LAMA3: variants seen among roughly 807,000 people sequenced by gnomAD.
The protein encoded by LAMA3 is laminin subunit alpha-3.
LAMA3 carries 281 observed loss-of-function variants against 402.0 expected under a neutral mutation model. That is an observed-to-expected ratio of 0.70 (90% CI 0.63 to 0.77). The LOEUF (loss-of-function observed/expected upper bound fraction) is 0.77. Among genes scored for constraint, LAMA3 ranks in the 30% least tolerant of loss-of-function variants. The pLI is 0.00. For synonymous variants in LAMA3, 1,431 were observed against 1,558.4 expected (o/e 0.92, Z 1.93); for missense variants, 3,840 against 4,215.5 (o/e 0.91, Z 2.47).
chr18:23,933,994 G>A, intron 67 of LAMA3, 59 bp downstream of exon 67: 1 of 1,553,790 alleles, frequency 6.4e-7, no homozygotes, highest in Non-Finnish European at 8.9e-7. Context: ...CCCTGAGCCT[G>A]CCTTGTGGGA....
In LAMA3 at chr18:23,914,539, A is replaced by G; in HGVS notation, c.7459A>G (p.Met2487Val). 1 of 1,614,186 alleles carries G rather than the reference A, an allele frequency of 6.2e-7. No individual in the cohort carries two copies. The highest frequency in any genetic ancestry group is 8.5e-7 in the Non-Finnish European group (1 of 1,180,022). Residue 2487 changes from methionine to valine, a missense_variant, in exon 57 of 75, where the codon ATG (methionine) becomes GTG (valine). Transcript: ENST00000313654. ...CAAGAGTGAGACTAAGGAGGCAGTTATGGATCGGGTGAAATTTCAGAGGTA... is the reference window on the plus strand; with the variant it reads ...CAAGAGTGAGACTAAGGAGGCAGTTGTGGATCGGGTGAAATTTCAGAGGTA... ...LTKSETKEAV[M>V]DRVKFQRIYQ...
In LAMA3 at chr18:23,867,832, A is replaced by T; in HGVS notation, c.4684-2A>T. The T allele has an allele frequency of 6.2e-7, 1 of 1,613,194 alleles. No individual in the cohort carries two copies. The highest frequency in any genetic ancestry group is 8.5e-7 in the Non-Finnish European group (1 of 1,179,180). ...AACACATTCATGGTTTTCTTTAAACAGGGTCAGCACATGTCCATCATCTAT... is the reference window on the plus strand; with the variant it reads ...AACACATTCATGGTTTTCTTTAAACTGGGTCAGCACATGTCCATCATCTAT... On this transcript the variant is annotated splice_acceptor_variant, in intron 36 of 74. Coordinates refer to ENST00000313654, the MANE Select transcript of LAMA3 (RefSeq NM_198129.4). LOFTEE classifies it high-confidence loss of function.
intron 2 of LAMA3, among the ~76,000 whole-genome samples, chr18:23,735,617 C>A (rs2061461456): frequency 6.6e-6 from 1 of 152,132 alleles, no homozygotes; most frequent in Admixed American, 6.5e-5. Flanking sequence ...GGGCTGAGCA[C>A]CTACTGTGTG....
chr18:23,882,269 G>A lies in LAMA3; in HGVS notation c.5222+224G>A, dbSNP rs549968285. ...AATTGTACAGTTTACATGATGAATT[G>A]CATGATATGTAAATTATATCTCAAT... On this transcript the variant is annotated intron_variant, in intron 40 of 74. Transcript: ENST00000313654. Among the ~76,000 whole-genome samples the A allele has an allele frequency of 1.3e-3, 199 of 152,298 alleles. 3 individuals are homozygous for A. In the South Asian group the frequency reaches 0.016, roughly 12 times the overall value.
At chr18:23,909,573 T>C (rs571917103) in intron 55 of LAMA3, among the ~76,000 whole-genome samples, 64 of 152,198 alleles carry the variant, frequency 4.2e-4, no homozygotes, top group Non-Finnish European at 7.3e-4. Context: ...CAGGCCCCAG[T>C]TTGTAAACTG....
At chr18:23,748,994 T>C (rs568146840) in intron 3 of LAMA3, among the ~76,000 whole-genome samples, 3 of 152,362 alleles carry the variant, frequency 2.0e-5, no homozygotes, top group East Asian at 3.9e-4. Flanking sequence ...TTCCCCTTTA[T>C]GCAGAATTAG....
At chr18:23,776,533 A>G (rs942349347) in intron 10 of LAMA3, among the ~76,000 whole-genome samples, 12 of 152,210 alleles carry the variant, frequency 7.9e-5, no homozygotes, top group African/African-American at 2.9e-4. Flanking sequence ...CTTTGGGGTT[A>G]GGACAAAGAA....
At chr18:23,858,017 C>T (rs367800941) in intron 33 of LAMA3, 29 bp downstream of exon 33, 12 of 1,613,874 alleles carry the variant, frequency 7.4e-6, no homozygotes, top group African/African-American at 1.3e-5. Context: ...TGCCAGACAA[C>T]AGCTGCCGGT....
intron 12 of LAMA3, among the ~76,000 whole-genome samples, chr18:23,791,078 C>T (rs1203101878): frequency 6.6e-6 from 1 of 151,930 alleles, no homozygotes; most frequent in Non-Finnish European, 1.5e-5. Context: ...TTAGTAGAGA[C>T]GGGGTTTCAC....
At chr18:23,858,605 G>C in intron 33 of LAMA3, 84 bp from the exon 34 acceptor site, 1 of 1,198,274 alleles carries the variant, frequency 8.3e-7, no homozygotes, top group African/African-American at 1.5e-5. Flanking sequence ...ATCTTGTGTT[G>C]GTATTTAATT....
chr18:23,931,228 G>C (rs745678142), intron 65 of LAMA3, 27 bp downstream of exon 65: 1 of 1,603,264 alleles, frequency 6.2e-7, no homozygotes, highest in Non-Finnish European at 8.5e-7. Flanking sequence ...TTCTGTCAGA[G>C]CTGTGAGTGA....
intron 19 of LAMA3, 71 bp from the exon 20 acceptor site, chr18:23,822,179 TAA>T: frequency 9.1e-6 from 14 of 1,541,848 alleles, no homozygotes; most frequent in Non-Finnish European, 1.3e-5. Context: ...TTGAATAGAA[TAA>T]AGTCACTGTT....
intron 12 of LAMA3, among the ~76,000 whole-genome samples, chr18:23,797,492 C>T (rs939963270): frequency 6.6e-6 from 1 of 152,232 alleles, no homozygotes; most frequent in Admixed American, 6.5e-5. Context: ...GTTTGGTGCA[C>T]CACCTGAGGT....
chr18:23,750,625 T>TA (rs2061732886), intron 4 of LAMA3, among the ~76,000 whole-genome samples: 1 of 151,996 alleles, frequency 6.6e-6, no homozygotes, highest in Non-Finnish European at 1.5e-5. Context: ...TTCATAGTGT[T>TA]ACAGTCCCAC....
chr18:23,921,359 G>T, intron 61 of LAMA3, 93 bp from the exon 62 acceptor site: 1 of 1,360,262 alleles, frequency 7.4e-7, no homozygotes. Context: ...TGAATCTGGG[G>T]GAAGATAAAT....
chr18:23,697,558 A>C (rs1026818055), intron 1 of LAMA3, among the ~76,000 whole-genome samples: 22 of 152,142 alleles, frequency 1.4e-4, no homozygotes, highest in African/African-American at 4.3e-4. Flanking sequence ...CCAAAAATCC[A>C]AAATCCCAAA....
At chr18:23,936,310 A>T (rs1343800799) in intron 67 of LAMA3, among the ~76,000 whole-genome samples, 1 of 151,804 alleles carries the variant, frequency 6.6e-6, no homozygotes, top group Non-Finnish European at 1.5e-5. Flanking sequence ...ACATATGTAT[A>T]CATGTGTCAT....
chr18:23,817,236 A>T lies in LAMA3; in HGVS notation c.2147+749A>T, dbSNP rs569233949. Among the ~76,000 whole-genome samples the T allele has an allele frequency of 2.6e-5, 4 of 152,292 alleles. No homozygotes were observed. In the East Asian group the frequency reaches 7.7e-4, roughly 29 times the overall value. On this transcript the variant is annotated intron_variant, in intron 18 of 74. Transcript: ENST00000313654. ...GTATTGTTCCATCTCTTAAGCCATT[A>T]TATTTTACCATTTATAAACGTTTTG...
At position 23,709,413 on chromosome 18, in the gene LAMA3, A is replaced by C. The variant is rs572548464; in HGVS notation, c.295-4507A>C. On this transcript the variant is annotated intron_variant, in intron 1 of 74. Transcript: ENST00000313654. ...ATGTAAATAATTTTATCTTTAAATA[A>C]ATAATAACAGTTTTATTTCGTTTAT... 2.3e-4 allele frequency among the ~76,000 whole-genome samples: 32 copies of C among 138,358 alleles called. No individual in the cohort carries two copies. In the South Asian group the frequency reaches 7.2e-3, roughly 31 times the overall value. 90.8% of individuals were successfully genotyped at this position (138,358 alleles called of 152,430 possible).
Sources: allele counts gnomAD v4.1 joint callset (sites outside exome capture counted in the v4.1 genomes callset), GRCh38; gene constraint gnomAD v4.1.1; transcripts MANE v1.5; gene names NCBI Gene and HGNC (gene_info 2026-07-23, HGNC 2026-07-21).